The following RUVBL1 variants were observed in gnomAD, a reference collection of about 807,000 sequenced individuals.
RUVBL1 encodes ruvB-like 1.
Under a neutral mutation model 52.4 loss-of-function variants are expected in RUVBL1, and 4 were observed. The observed-to-expected ratio is 0.08, with a 90% CI of 0.04 to 0.17. The LOEUF (loss-of-function observed/expected upper bound fraction) is 0.17. Among genes scored for constraint, RUVBL1 ranks in the 10% least tolerant of loss-of-function variants. RUVBL1 has a pLI of 1.00. For missense variants in RUVBL1, 298 were observed against 572.8 expected (o/e 0.52, Z 4.90); for synonymous variants, 217 against 214.4 (o/e 1.01, Z -0.10).
chr3:128,131,386 G>C (rs1943873621), intron 1 of RUVBL1, among the ~76,000 whole-genome samples: 1 of 152,128 alleles, frequency 6.6e-6, no homozygotes, highest in Non-Finnish European at 1.5e-5. Flanking sequence ...GGCTGAGGCA[G>C]AGAATCACTT....
chr3:128,097,662 C>T (rs974802977), intron 7 of RUVBL1, among the ~76,000 whole-genome samples, 164 bp from the exon 8 acceptor site: 3 of 152,112 alleles, frequency 2.0e-5, no homozygotes, highest in Non-Finnish European at 4.4e-5. Flanking sequence ...GTTTCAGTGT[C>T]GTCATCTGAA....
At chr3:128,090,497 T>C (rs1057071639) in intron 8 of RUVBL1, among the ~76,000 whole-genome samples, 5 of 152,172 alleles carry the variant, frequency 3.3e-5, no homozygotes, top group East Asian at 1.9e-4. Flanking sequence ...CCAGCCTGGG[T>C]GACAGAGTGA....
intron 9 of RUVBL1, among the ~76,000 whole-genome samples, chr3:128,072,644 T>G (rs1461267120): frequency 6.6e-6 from 1 of 152,222 alleles, no homozygotes; most frequent in Non-Finnish European, 1.5e-5. Flanking sequence ...GCACAGCACG[T>G]GGCCTCAGGC....
chr3:128,148,303 G>T (rs576019680), intron 1 of RUVBL1, among the ~76,000 whole-genome samples: 1 of 152,100 alleles, frequency 6.6e-6, no homozygotes, highest in Non-Finnish European at 1.5e-5. Flanking sequence ...TGTTCAGAGG[G>T]GATTGGATTC....
intron 2 of RUVBL1, among the ~76,000 whole-genome samples, chr3:128,115,881 T>C (rs1208162805): frequency 6.6e-6 from 1 of 152,066 alleles, no homozygotes. Flanking sequence ...ATCCCAGCAC[T>C]TTGGGAGGCC....
At chr3:128,153,847 C>T (rs888321693) in exon 1 of RUVBL1, 3 of 1,487,330 alleles carry the variant, frequency 2.0e-6, no homozygotes, top group Non-Finnish European at 1.8e-6. Context: ...GGGGCGGGAG[C>T]CGGGCTCAGG....
At position 128,081,556 on chromosome 3, in the gene RUVBL1, CAA is replaced by C; in HGVS notation, c.1212-149_1212-148del. ...TGCTACGAACACAGAAAAGGGGAGA[CAA>C]AGTTGTCACTTCTCAGAGAGCTGCA... On this transcript the variant is annotated intron_variant, in intron 10 of 10. Transcript: ENST00000322623. The surrounding 1 kb of genome is among the most constrained non-coding windows in gnomAD (Gnocchi z 4.8). The C allele has an allele frequency of 1.3e-6, 1 of 789,254 alleles. No homozygotes were observed. The highest frequency in any genetic ancestry group is 2.0e-6 in the Non-Finnish European group (1 of 507,158). The allele number at this position is 789,254 out of a possible 1,614,324, so 48.9% of individuals were successfully genotyped here. A position where few individuals can be genotyped will look rare whatever the true frequency, so the allele number is the denominator to read the frequency against.
At chr3:128,112,789 C>A (rs770759889) in intron 3 of RUVBL1, 99 bp downstream of exon 3, 2 of 1,344,704 alleles carry the variant, frequency 1.5e-6, no homozygotes, top group Non-Finnish European at 2.0e-6. Context: ...AGCAGTGCCA[C>A]GAATACCAGT....
chr3:128,145,479 C>T (rs1244003445), intron 1 of RUVBL1, among the ~76,000 whole-genome samples: 1 of 152,236 alleles, frequency 6.6e-6, no homozygotes, highest in Non-Finnish European at 1.5e-5. Flanking sequence ...TGGAGGTAGC[C>T]AATCCAGCCC....
At chr3:128,132,413 A>C (rs996719172) in intron 1 of RUVBL1, among the ~76,000 whole-genome samples, 4 of 152,148 alleles carry the variant, frequency 2.6e-5, no homozygotes, top group Non-Finnish European at 5.9e-5. Context: ...ACCCAGGGCA[A>C]TCAAGGGAGT....
At chr3:128,098,990 C>T in intron 6 of RUVBL1, 45 bp from the exon 7 acceptor site, 1 of 1,522,040 alleles carries the variant, frequency 6.6e-7, no homozygotes, top group Non-Finnish European at 9.1e-7. Context: ...TCTAAGGTGA[C>T]TACAGAAGCC....
rs760590643 is a variant in RUVBL1, at chr3:128,081,287, T to C, written c.1334A>G (p.Lys445Arg). The change falls in exon 11 of 11, where the codon AAA becomes AGA. Residue 445 changes from lysine (K) to arginine (R), a missense_variant. Physicochemically the swap from Lys to Arg is conservative, Grantham distance 26. Transcript: ENST00000322623. This position sits in a 1 kb window ranked among gnomAD's most constrained non-coding sequence, Gnocchi z 4.8. ...ELFYDAKSSA[K>R]ILADQQDKYM... The stretch of plus-strand genomic sequence containing the variant: ...CTTATCCTGCTGGTCAGCCAGGATT[T>C]TGGCGGAGGACTTGGCATCATAGAA... The C allele has an allele frequency of 5.0e-6, 8 of 1,614,210 alleles. No individual in the cohort carries two copies. Among genetic ancestry groups the C allele is most frequent in the South Asian group, 1.1e-5 (1 of 91,088 alleles).
intron 1 of RUVBL1, among the ~76,000 whole-genome samples, chr3:128,149,572 A>T (rs1944154969): frequency 6.6e-6 from 1 of 152,254 alleles, no homozygotes; most frequent in African/African-American, 2.4e-5. Context: ...TACATACAAT[A>T]TAGAAAAGAA....
intron 1 of RUVBL1, among the ~76,000 whole-genome samples, chr3:128,129,975 G>A (rs537145349): frequency 2.0e-5 from 3 of 152,200 alleles, no homozygotes; most frequent in East Asian, 1.9e-4. Flanking sequence ...ACCTAAAGCC[G>A]CCTAACTGTA....
chr3:128,100,026 G>A (rs34709844), intron 6 of RUVBL1, among the ~76,000 whole-genome samples: 20,798 of 152,146 alleles, frequency 0.14, 1,580 homozygotes, highest in African/African-American at 0.2. Context: ...AAACACCCAC[G>A]GATCAAATTT....
chr3:128,098,810 G>T, intron 7 of RUVBL1, 72 bp downstream of exon 7: 1 of 1,284,170 alleles, frequency 7.8e-7, no homozygotes, highest in East Asian at 2.3e-5. Flanking sequence ...TGCTCACAGA[G>T]CCGCAAGAGC....
At chr3:128,149,825 T>C (rs1944160048) in intron 1 of RUVBL1, among the ~76,000 whole-genome samples, 1 of 152,200 alleles carries the variant, frequency 6.6e-6, no homozygotes, top group Non-Finnish European at 1.5e-5. Flanking sequence ...GAGATTCTGT[T>C]TTCTGGGGAA....
chr3:128,081,099 T>C lies in RUVBL1; in HGVS notation c.*151A>G, dbSNP rs1275848104. ...AACCACAGGAACAGTTACGATAACT[T>C]AAAAAGAAATGCTTTCCACACTGAA... On this transcript the variant is annotated 3_prime_UTR_variant, in exon 11 of 11. Transcript: ENST00000322623. This position sits in a 1 kb window ranked among gnomAD's most constrained non-coding sequence, Gnocchi z 4.8. 1.5e-6 allele frequency: 1 copy of C among 682,742 alleles called. No homozygotes were observed. Among genetic ancestry groups the C allele is most frequent in the African/African-American group, 1.8e-5 (1 of 55,980 alleles). 42.3% of individuals were successfully genotyped at this position (682,742 alleles called of 1,614,324 possible).
chr3:128,121,909 A>G (rs1943659630), intron 1 of RUVBL1, among the ~76,000 whole-genome samples: 2 of 152,134 alleles, frequency 1.3e-5, no homozygotes, highest in Non-Finnish European at 2.9e-5. Context: ...CTCAGGTGAG[A>G]TAAGCTTGAA....
Sources: allele counts gnomAD v4.1 joint callset (sites outside exome capture counted in the v4.1 genomes callset), GRCh38; gene constraint gnomAD v4.1.1; non-coding constraint Gnocchi (gnomAD v3.1); transcripts MANE v1.5; gene names NCBI Gene and HGNC (gene_info 2026-07-23, HGNC 2026-07-21).